The following PSD3 variants were observed in gnomAD, a reference collection of about 807,000 sequenced individuals.
The protein encoded by PSD3 is PH and SEC7 domain-containing protein 3.
A neutral mutation model predicts 105.5 loss-of-function variants in PSD3; 49 were observed. The ratio of observed to expected loss-of-function variants is 0.46; its 90% CI spans 0.37 to 0.59. The LOEUF (loss-of-function observed/expected upper bound fraction) is 0.59. Ranked by LOEUF, PSD3 falls within the 20% of genes least tolerant of loss-of-function variation. The pLI, the probability that PSD3 is intolerant of heterozygous loss-of-function variation, is 0.00. For missense variants in PSD3, 1,561 were observed against 1,263.8 expected, an observed-to-expected ratio of 1.24 and a Z score of -3.57; for synonymous variants, 557 against 457.8, an observed-to-expected ratio of 1.22 and a Z score of -2.77.
chr8:18,613,598 T>A (rs1438303015), intron 11 of PSD3, among the ~76,000 whole-genome samples: 1 of 152,194 alleles, frequency 6.6e-6, no homozygotes, highest in East Asian at 1.9e-4. Context: ...TAATGAATGA[T>A]ACCTCACATT....
chr8:18,788,457 C>G lies in PSD3; in HGVS notation c.2082+10838G>C, dbSNP rs73666718. ...GGAATGTAACCTACAAAGCTCTGAC[C>G]ATCGCCTAACTTAAAATCAGCCCTA... On this transcript the variant is annotated intron_variant, in intron 8 of 15. Transcript: ENST00000327040. Among the ~76,000 whole-genome samples the G allele has an allele frequency of 5.8e-3, 884 of 152,258 alleles. 9 individuals carry two copies. Among genetic ancestry groups the G allele is most frequent in the African/African-American group, 0.02 (819 of 41,562 alleles).
chr8:18,981,756 T>C (rs1825263645), intron 1 of PSD3, among the ~76,000 whole-genome samples: 1 of 152,092 alleles, frequency 6.6e-6, no homozygotes, highest in Non-Finnish European at 1.5e-5. Flanking sequence ...ACAATGTCAA[T>C]GTACACATCT....
chr8:18,728,266 G>A (rs555398097), intron 9 of PSD3, among the ~76,000 whole-genome samples: 1 of 152,278 alleles, frequency 6.6e-6, no homozygotes, highest in African/African-American at 2.4e-5. Flanking sequence ...ATGAAAAGTT[G>A]AGAACCTCCT....
chr8:18,789,636 A>T (rs1000277340), intron 8 of PSD3, among the ~76,000 whole-genome samples: 1 of 152,170 alleles, frequency 6.6e-6, no homozygotes, highest in Non-Finnish European at 1.5e-5. Flanking sequence ...CATGGAAAGC[A>T]CTTCCCCTAA....
At chr8:18,558,378 C>G (rs1801202737) in intron 14 of PSD3, among the ~76,000 whole-genome samples, 1 of 151,968 alleles carries the variant, frequency 6.6e-6, no homozygotes, top group Non-Finnish European at 1.5e-5. Flanking sequence ...TATAAAAAGT[C>G]ATATTGAATG....
chr8:18,942,678 G>A (rs1444051723), intron 1 of PSD3, among the ~76,000 whole-genome samples: 2 of 152,198 alleles, frequency 1.3e-5, no homozygotes, highest in Non-Finnish European at 1.5e-5. Flanking sequence ...TGAAGACACA[G>A]GGAGAAGGTG....
chr8:18,618,376 G>C (rs1717043850), intron 11 of PSD3, among the ~76,000 whole-genome samples: 1 of 151,374 alleles, frequency 6.6e-6, no homozygotes, highest in Admixed American at 6.6e-5. Context: ...GTCATCCTGA[G>C]GCTACGTCAT....
intron 4 of PSD3, among the ~76,000 whole-genome samples, chr8:18,828,461 AT>A (rs920697270): frequency 4.0e-5 from 6 of 150,394 alleles, no homozygotes; most frequent in Admixed American, 6.6e-5. Context: ...CTTACTCACA[AT>A]TTTTTTTTTA....
At chr8:18,943,481 C>T (rs184962894) in intron 1 of PSD3, among the ~76,000 whole-genome samples, 67 of 152,086 alleles carry the variant, frequency 4.4e-4, no homozygotes, top group African/African-American at 1.5e-3. Context: ...CTAGTGATAA[C>T]TGACACAGGA....
intron 11 of PSD3, among the ~76,000 whole-genome samples, chr8:18,622,040 G>C (rs904597303): frequency 2.0e-5 from 3 of 152,076 alleles, no homozygotes; most frequent in African/African-American, 7.2e-5. Context: ...CCTCTAAAGT[G>C]AGTGAACCTC....
chr8:18,881,047 A>G (rs1818068058), intron 2 of PSD3, among the ~76,000 whole-genome samples: 1 of 152,222 alleles, frequency 6.6e-6, no homozygotes, highest in South Asian at 2.1e-4. Flanking sequence ...TTTACAGTCC[A>G]TTAGAAGTCA....
At chr8:18,542,502 T>TA (rs1270554190) in intron 15 of PSD3, among the ~76,000 whole-genome samples, 1 of 152,228 alleles carries the variant, frequency 6.6e-6, no homozygotes, top group African/African-American at 2.4e-5. Context: ...TAATTTTTTA[T>TA]AGCCAGATGG....
intron 4 of PSD3, among the ~76,000 whole-genome samples, chr8:18,815,723 G>T (rs960646431): frequency 2.6e-5 from 4 of 152,052 alleles, no homozygotes; most frequent in African/African-American, 9.7e-5. Flanking sequence ...TCCCTCTCCT[G>T]CTGACACACC....
intron 2 of PSD3, among the ~76,000 whole-genome samples, chr8:18,890,788 C>T (rs1198984330): frequency 6.6e-6 from 1 of 151,684 alleles, no homozygotes; most frequent in East Asian, 1.9e-4. Flanking sequence ...GATGTGTGTT[C>T]CCTGTGCTGC....
intron 6 of PSD3, 34 bp from the exon 7 acceptor site, chr8:18,801,416 T>G (rs1211106451): frequency 1.5e-6 from 2 of 1,316,842 alleles, no homozygotes; most frequent in Non-Finnish European, 2.2e-6. Flanking sequence ...ACAGTGAAAT[T>G]TTCGAAAATG....
intron 9 of PSD3, among the ~76,000 whole-genome samples, chr8:18,707,390 A>C (rs1359605076): frequency 6.6e-6 from 1 of 152,218 alleles, no homozygotes; most frequent in Admixed American, 6.5e-5. Flanking sequence ...TGTTCATGAA[A>C]TTGATTTCTG....
chr8:18,608,477 A>G (rs578192379), intron 11 of PSD3, among the ~76,000 whole-genome samples: 99 of 152,230 alleles, frequency 6.5e-4, no homozygotes, highest in Non-Finnish European at 1.2e-3. Context: ...TGCAATAGAA[A>G]AATTGGCAGT....
chr8:18,851,046 G>C (rs1373026566), intron 4 of PSD3, among the ~76,000 whole-genome samples: 1 of 152,180 alleles, frequency 6.6e-6, no homozygotes, highest in African/African-American at 2.4e-5. Flanking sequence ...ACTGTTCCTT[G>C]GCCTGCGAAG....
chr8:18,936,887 C>G (rs1021670860), intron 1 of PSD3, among the ~76,000 whole-genome samples: 5 of 152,076 alleles, frequency 3.3e-5, no homozygotes, highest in Non-Finnish European at 7.4e-5. Context: ...ACAAAAAAAC[C>G]AGTCTTTCCC....
Sources: gnomAD v4.1 joint callset for allele counts (sites outside exome capture counted in the v4.1 genomes callset) on GRCh38, gnomAD v4.1.1 for gene constraint, MANE v1.5 for transcripts, NCBI Gene and HGNC (gene_info 2026-07-23, HGNC 2026-07-21) for gene names.